SH2B1: variants seen among roughly 807,000 people sequenced by gnomAD.
SH2B1 encodes the protein SH2B adaptor protein 1.
SH2B1 carries 15 observed loss-of-function variants against 62.6 expected under a neutral mutation model. That is an observed-to-expected ratio of 0.24 (90% CI 0.16 to 0.37). SH2B1 has a LOEUF of 0.37. Ranked by LOEUF, SH2B1 falls within the 10% of genes least tolerant of loss-of-function variation. The probability of loss-of-function intolerance (pLI) is 1.00; values close to 1 mark genes in which losing one functional copy is unlikely to be tolerated. For missense variants in SH2B1, 925 were observed against 1,015.6 expected, an observed-to-expected ratio of 0.91 and a Z score of 1.21; for synonymous variants, 443 against 438.0, an observed-to-expected ratio of 1.01 and a Z score of -0.14.
At chr16:28,863,761 A>G, upstream of SH2B1, 2 of 1,535,488 alleles carry the variant, frequency 1.3e-6, no homozygotes, top group Non-Finnish European at 1.7e-6. Context: ...GGAAGTAAGT[A>G]TGAAGGTGCC....
Position 28,873,131 on chromosome 16 carries a change from C to T in SH2B1, c.1898-316C>T. 2 of 1,323,924 alleles carry T rather than the reference C, an allele frequency of 1.5e-6. No individual in the cohort carries two copies. The highest frequency in any genetic ancestry group is 2.5e-5 in the Admixed American group (1 of 40,778). The allele number at this position is 1,323,924 out of a possible 1,614,324, so 82.0% of individuals were successfully genotyped here. A position where few individuals can be genotyped will look rare whatever the true frequency, so the allele number is the denominator to read the frequency against. ...GTCTGATCTCTCCCTTTCCCCTGCC[C>T]CACCGTCCCATCTGTCCCCACGTTG... On this transcript the variant is annotated intron_variant, in intron 7 of 7. Transcript: ENST00000684370. This position sits in a 1 kb window ranked among gnomAD's most constrained non-coding sequence, Gnocchi z 4.2.
chr16:28,866,399 CGCCACATGACCT>C lies in SH2B1; in HGVS notation c.307_318del (p.Pro103_Leu106del). The C allele has an allele frequency of 1.2e-6, 2 of 1,613,812 alleles. No homozygotes were observed. Among genetic ancestry groups the C allele is most frequent in the Non-Finnish European group, 1.7e-6 (2 of 1,180,002 alleles). ...CCCCTGAGCCCTGGTGCGGAGATTTCGCCACATGACCTGTCCCTTGAGAGCTGCAGGGTGGGT... is the reference window on the plus strand; with the variant it reads ...CCCCTGAGCCCTGGTGCGGAGATTTCGTCCCTTGAGAGCTGCAGGGTGGGT... On this transcript the variant is annotated inframe_deletion, in exon 1 of 8. Transcript: ENST00000684370. The surrounding 1 kb of genome is among the most constrained non-coding windows in gnomAD (Gnocchi z 6.3).
chr16:28,852,313 TTTAC>T (rs1172897228), intron 1 of SH2B1, among the ~76,000 whole-genome samples: 1 of 77,012 alleles, frequency 1.3e-5, no homozygotes, highest in African/African-American at 5.2e-5. Flanking sequence ...CATATATATA[TTTAC>T]ATATATATAT....
chr16:28,860,983 A>G (rs1962430928), upstream of SH2B1, among the ~76,000 whole-genome samples: 1 of 151,388 alleles, frequency 6.6e-6, no homozygotes, highest in South Asian at 2.1e-4. Context: ...CACGTGGCTA[A>G]TTTTTTATAT....
At chr16:28,854,530 T>C (rs1322170224) in intron 1 of SH2B1, among the ~76,000 whole-genome samples, 1 of 150,816 alleles carries the variant, frequency 6.6e-6, no homozygotes, top group Non-Finnish European at 1.5e-5. Flanking sequence ...CCGAGGAGGG[T>C]GGATTGCTTG....
chr16:28,870,260 C>G (rs1962956136), intron 4 of SH2B1, among the ~76,000 whole-genome samples: 1 of 152,130 alleles, frequency 6.6e-6, no homozygotes, highest in Non-Finnish European at 1.5e-5. Context: ...GAGATGAGCT[C>G]CTTGTTCTCT....
At position 28,864,859 on chromosome 16, in the gene SH2B1, G is replaced by A. The variant is rs904939541; in HGVS notation, c.-1236G>A. On this transcript the variant is annotated 5_prime_UTR_variant, in exon 1 of 8. Transcript: ENST00000684370. The stretch of plus-strand genomic sequence containing the variant: ...ATAGTAACAATGGCAGTCGTTCAGC[G>A]GATGCTTACTTTGCGTTCAGCGCTG... 3.0e-4 allele frequency: 70 copies of A among 230,060 alleles called. No homozygotes were observed. In the Admixed American group the frequency reaches 3.5e-3, roughly 11 times the overall value. 14.3% of individuals were successfully genotyped at this position (230,060 alleles called of 1,614,324 possible).
upstream of SH2B1, among the ~76,000 whole-genome samples, chr16:28,859,187 G>A (rs1322412686): frequency 3.3e-5 from 5 of 151,924 alleles, no homozygotes; most frequent in African/African-American, 4.8e-5. Flanking sequence ...CGGGTGATTC[G>A]CCTGCCTCAG....
chr16:28,849,026 G>C (rs915897333), intron 1 of SH2B1, among the ~76,000 whole-genome samples: 5 of 152,102 alleles, frequency 3.3e-5, no homozygotes, highest in Non-Finnish European at 7.4e-5. Flanking sequence ...TGAGGAACTT[G>C]CTAAGACTTC....
At chr16:28,855,196 C>T (rs940730329) in intron 1 of SH2B1, among the ~76,000 whole-genome samples, 6 of 151,584 alleles carry the variant, frequency 4.0e-5, no homozygotes, top group South Asian at 4.2e-4. Flanking sequence ...CCCCCACTTT[C>T]GTTTTGCAAA....
intron 4 of SH2B1, among the ~76,000 whole-genome samples, chr16:28,871,098 A>G (rs1963003910): frequency 6.6e-6 from 1 of 151,094 alleles, no homozygotes; most frequent in Non-Finnish European, 1.5e-5. Flanking sequence ...GCTCACTGCA[A>G]CCTCTGCCTC....
intron 1 of SH2B1, among the ~76,000 whole-genome samples, chr16:28,848,046 G>A (rs1341840919): frequency 6.6e-6 from 1 of 151,654 alleles, no homozygotes; most frequent in Non-Finnish European, 1.5e-5. Flanking sequence ...GACGGCTCTC[G>A]AACTCCAGAC....
Position 28,866,383 on chromosome 16 carries a change from C to G in SH2B1, c.289C>G (p.Pro97Ala). 6.2e-7 allele frequency: 1 copy of G among 1,613,686 alleles called. No individual in the cohort carries two copies. The highest frequency in any genetic ancestry group is 8.5e-7 in the Non-Finnish European group (1 of 1,180,008). ...GCCACCCATCCTGGCTCCCCTGAGC[C>G]CTGGTGCGGAGATTTCGCCACATGA... ...LSPPILAPLS[P>A]GAEISPHDLS... The change falls in exon 1 of 8, where the codon CCT becomes GCT. Residue 97 changes from proline to alanine, a missense_variant. This residue lies in a region of SH2B1 where 683 missense variants were observed against 704.0 expected (regional missense o/e 0.97). Transcript: ENST00000684370. The surrounding 1 kb of genome is among the most constrained non-coding windows in gnomAD (Gnocchi z 6.3).
At chr16:28,869,680 G>T (rs11150623) in intron 4 of SH2B1, among the ~76,000 whole-genome samples, 110,350 of 152,148 alleles carry the variant, frequency 0.73, 41,121 homozygotes, top group African/African-American at 0.9. Context: ...AAATAATGGT[G>T]GTTTTCTCCA....
intron 1 of SH2B1, among the ~76,000 whole-genome samples, chr16:28,854,122 T>C (rs1187422276): frequency 1.3e-5 from 2 of 149,816 alleles, no homozygotes; most frequent in East Asian, 4.0e-4. Flanking sequence ...TGAGACTCCA[T>C]CTCTACAAAA....
At chr16:28,860,857 CCCAGTCTGG>C (rs1962427676), upstream of SH2B1, among the ~76,000 whole-genome samples, 4 of 152,132 alleles carry the variant, frequency 2.6e-5, no homozygotes, top group South Asian at 6.2e-4. Flanking sequence ...CGCTCTGTTG[CCCAGTCTGG>C]AGTGCAGTGG....
chr16:28,867,178 G>C, intron 1 of SH2B1, 145 bp downstream of exon 1: 1 of 1,313,418 alleles, frequency 7.6e-7, no homozygotes, highest in Non-Finnish European at 1.1e-6. Context: ...TCTTGGCTCT[G>C]TGTTAGCAGC....
In SH2B1 at chr16:28,864,338, G is replaced by C. The variant is rs918566485; in HGVS notation, c.-1757G>C. 2 of 993,514 alleles carry C rather than the reference G, an allele frequency of 2.0e-6. No homozygotes were observed. The highest frequency in any genetic ancestry group is 3.5e-5 in the African/African-American group (2 of 57,270). 61.5% of individuals were successfully genotyped at this position (993,514 alleles called of 1,614,324 possible). A position where few individuals can be genotyped will look rare whatever the true frequency, so the allele number is the denominator to read the frequency against. On this transcript the variant is annotated 5_prime_UTR_variant, in exon 1 of 8. Transcript: ENST00000684370. ...TGAGTCACCAGCTTAGGAGTCGCAGGGTCAGCGGGCCTGAAGGGGGCTGGG... is the reference window on the plus strand; with the variant it reads ...TGAGTCACCAGCTTAGGAGTCGCAGCGTCAGCGGGCCTGAAGGGGGCTGGG...
intron 4 of SH2B1, among the ~76,000 whole-genome samples, chr16:28,870,624 CA>C (rs1192174207): frequency 6.6e-6 from 1 of 150,502 alleles, no homozygotes; most frequent in African/African-American, 2.5e-5. Context: ...TATAGTTCAA[CA>C]AAGGACACCT....
Sources: gnomAD v4.1 joint callset for allele counts (sites outside exome capture counted in the v4.1 genomes callset) on GRCh38, gnomAD v4.1.1 for gene constraint, gnomAD v4.1.1 regional missense constraint, Gnocchi (gnomAD v3.1) non-coding constraint, MANE v1.5 for transcripts, NCBI Gene and HGNC (gene_info 2026-07-23, HGNC 2026-07-21) for gene names.